The following HIPK3 variants were observed in gnomAD, a reference collection of about 807,000 sequenced individuals.
HIPK3 encodes the protein homeodomain interacting protein kinase 3.
HIPK3 carries 47 observed loss-of-function variants against 124.2 expected under a neutral mutation model. That is an observed-to-expected ratio of 0.38 (90% CI 0.30 to 0.48). The LOEUF is 0.48. Among genes scored for constraint, HIPK3 ranks in the 20% least tolerant of loss-of-function variants. The pLI is 0.98. For missense variants in HIPK3, 1,286 were observed against 1,454.3 expected, an observed-to-expected ratio of 0.88 and a Z score of 1.88; for synonymous variants, 482 against 515.2, an observed-to-expected ratio of 0.94 and a Z score of 0.87.
rs538830805 is a variant in HIPK3, at chr11:33,298,059, G to A, written c.1097+10548G>A. On this transcript the variant is annotated intron_variant, in intron 2 of 16. Coordinates refer to ENST00000303296, the MANE Select transcript of HIPK3 (RefSeq NM_005734.5). ...CCTCCTTGGCCTCCCAAAGTGCTGGGATTAACAGGTGTGAGCCACCGCACC... is the reference window on the plus strand; with the variant it reads ...CCTCCTTGGCCTCCCAAAGTGCTGGAATTAACAGGTGTGAGCCACCGCACC... 8.5e-4 allele frequency among the ~76,000 whole-genome samples: 129 copies of A among 152,214 alleles called. 2 individuals carry two copies. The South Asian group carries it at 0.026, about 31-fold the overall frequency.
chr11:33,265,151 CAT>C (rs1194091394), intron 1 of HIPK3, among the ~76,000 whole-genome samples: 1 of 152,176 alleles, frequency 6.6e-6, no homozygotes, highest in Non-Finnish European at 1.5e-5. Flanking sequence ...GGTGTAGTGA[CAT>C]AAAATCACAA....
At chr11:33,306,452 T>C (rs1237457902) in intron 2 of HIPK3, among the ~76,000 whole-genome samples, 1 of 145,148 alleles carries the variant, frequency 6.9e-6, no homozygotes, top group East Asian at 2.1e-4. Flanking sequence ...AAGATTTTAC[T>C]TGCTCTAAAT....
chr11:33,284,928 C>T (rs1851508903), intron 1 of HIPK3, among the ~76,000 whole-genome samples: 2 of 152,114 alleles, frequency 1.3e-5, no homozygotes, highest in Non-Finnish European at 2.9e-5. Context: ...GTTTTTCTAG[C>T]TATGGTACTG....
Position 33,258,522 on chromosome 11 carries a change from A to G in HIPK3, c.-3+633A>G, listed in dbSNP as rs954748357. 12 of 985,412 alleles carry G rather than the reference A, an allele frequency of 1.2e-5. No individual in the cohort carries two copies. The African/African-American group carries it at 1.6e-4, about 13-fold the overall frequency. 61.0% of individuals were successfully genotyped at this position (985,412 alleles called of 1,614,324 possible). ...ATGTGATCCGCGGCTCCGCGTCCCC[A>G]GCGGCGGCGGGAGGAAGGCGTGGCG... is the stretch of plus-strand genomic sequence containing the variant. On this transcript the variant is annotated intron_variant, in intron 1 of 16. Transcript: ENST00000303296.
At position 33,286,846 on chromosome 11, in the gene HIPK3, C is replaced by T. The variant is rs144714786; in HGVS notation, c.432C>T (p.Val144=). The T allele has an allele frequency of 9.3e-6, 15 of 1,614,058 alleles. No homozygotes were observed. The highest frequency in any genetic ancestry group is 1.3e-5 in the African/African-American group (1 of 75,000). The part of the protein sequence containing the change: ...LDNHSSAMQI[V]DELSILPAML... Reference sequence around the variant, plus strand: ...ATCATAGCAGCGCAATGCAGATTGTCGATGAATTGTCCATACTTCCTGCAA... The same window carrying T: ...ATCATAGCAGCGCAATGCAGATTGTTGATGAATTGTCCATACTTCCTGCAA... Residue 144 remains valine, a synonymous_variant, in exon 2 of 17, where the codon GTC becomes GTT. Transcript: ENST00000303296.
At chr11:33,339,678 A>AC (rs1248739210) in intron 6 of HIPK3, 144 bp downstream of exon 6, 1 of 575,286 alleles carries the variant, frequency 1.7e-6, no homozygotes, top group Admixed American at 2.9e-5. Flanking sequence ...AAGTTCACAT[A>AC]CACCAGTAAG....
At chr11:33,293,081 A>G (rs191804990) in intron 2 of HIPK3, among the ~76,000 whole-genome samples, 8 of 152,344 alleles carry the variant, frequency 5.3e-5, no homozygotes, top group Admixed American at 3.3e-4. Flanking sequence ...GCAAATGTGT[A>G]GTACTTTACT....
chr11:33,305,676 C>T (rs1590381154), intron 2 of HIPK3, among the ~76,000 whole-genome samples: 2 of 152,294 alleles, frequency 1.3e-5, no homozygotes, highest in African/African-American at 4.8e-5. Context: ...AGGATTTTCT[C>T]TCATCTTCCT....
chr11:33,258,456 T>G, intron 1 of HIPK3: 1 of 985,278 alleles, frequency 1.0e-6, no homozygotes, highest in Non-Finnish European at 1.2e-6. Flanking sequence ...GTGTCAACTC[T>G]GGGGACGTGC....
Position 33,278,579 on chromosome 11 carries a change from T to C in HIPK3, c.-2-7834T>C, listed in dbSNP as rs554358676. On this transcript the variant is annotated intron_variant, in intron 1 of 16. Transcript: ENST00000303296. Reference sequence around the variant, plus strand: ...TTCTTTGTTTTTTTAGCATGCTCACTGTACTTAATGTCACTGAACAGTACA... The same window carrying C: ...TTCTTTGTTTTTTTAGCATGCTCACCGTACTTAATGTCACTGAACAGTACA... Among the ~76,000 whole-genome samples the C allele has an allele frequency of 3.3e-5, 5 of 152,352 alleles. No homozygotes were observed. The East Asian group carries it at 9.6e-4, about 29-fold the overall frequency.
rs1410148544 is a variant in HIPK3 at position 33,328,556 on chromosome 11, A to G, written c.1144A>G (p.Met382Val). The change falls in exon 3 of 17, where the codon ATG (methionine) becomes GTG (valine). Residue 382 changes from methionine to valine, a missense_variant. Physicochemically the swap from Met to Val is conservative, Grantham distance 21. Transcript: ENST00000303296. ...GTTGCCATTTTGTGAAGCCATAGAC[A>G]TGTGGTCATTGGGATGTGTGATTGC... is the stretch of plus-strand genomic sequence containing the variant. ...LGLPFCEAID[M>V]WSLGCVIAEL... is the part of the protein sequence containing the mutation. The G allele has an allele frequency of 1.4e-5, 22 of 1,613,350 alleles. No homozygotes were observed. Among genetic ancestry groups the G allele is most frequent in the Admixed American group, 1.0e-4 (6 of 60,024 alleles).
At chr11:33,336,602 A>T (rs867273900) in intron 3 of HIPK3, among the ~76,000 whole-genome samples, 4 of 152,212 alleles carry the variant, frequency 2.6e-5, no homozygotes, top group African/African-American at 9.7e-5. Context: ...ACCTCCTGGC[A>T]TATAATCCAA....
intron 1 of HIPK3, among the ~76,000 whole-genome samples, chr11:33,280,555 CCTATCTGTG>C (rs1851385620): frequency 6.6e-6 from 1 of 152,120 alleles, no homozygotes; most frequent in Admixed American, 6.5e-5. Flanking sequence ...GCATGATATT[CCTATCTGTG>C]TTTATTTTCT....
chr11:33,277,690 G>C (rs1342731847), intron 1 of HIPK3, among the ~76,000 whole-genome samples: 1 of 152,176 alleles, frequency 6.6e-6, no homozygotes, highest in South Asian at 2.1e-4. Context: ...TCTAGATGGA[G>C]TATACACCTG....
At chr11:33,323,489 C>T (rs1347893261) in intron 2 of HIPK3, among the ~76,000 whole-genome samples, 1 of 152,114 alleles carries the variant, frequency 6.6e-6, no homozygotes, top group South Asian at 2.1e-4. Flanking sequence ...GTGATCCTCC[C>T]GGCTTAGCCT....
chr11:33,310,695 T>C (rs1852309665), intron 2 of HIPK3, among the ~76,000 whole-genome samples: 1 of 152,208 alleles, frequency 6.6e-6, no homozygotes, highest in Admixed American at 6.5e-5. Context: ...GCCCAATAGC[T>C]ACATGTGCAG....
chr11:33,286,636 C>T lies in HIPK3; in HGVS notation c.222C>T (p.His74=). The T allele has an allele frequency of 6.2e-7, 1 of 1,614,142 alleles. No homozygotes were observed. Among genetic ancestry groups the T allele is most frequent in the Non-Finnish European group, 8.5e-7 (1 of 1,180,016 alleles). The change falls in exon 2 of 17, where the codon CAC becomes CAT. Residue 74 remains histidine (H), a synonymous_variant. Transcript: ENST00000303296. The stretch of plus-strand genomic sequence containing the variant: ...TACCATTTAATAGACCTCGAGGACA[C>T]AACTTTTCATTGCAGACAAGTGCTG... The part of the protein sequence containing the change: ...TKIPFNRPRG[H]NFSLQTSAVV...
intron 1 of HIPK3, among the ~76,000 whole-genome samples, chr11:33,281,852 A>T (rs1270036137): frequency 2.6e-5 from 4 of 152,044 alleles, no homozygotes; most frequent in African/African-American, 9.7e-5. Context: ...CTTTTGATGG[A>T]TATGTAGGTT....
At chr11:33,353,056 G>A in intron 16 of HIPK3, 36 bp from the exon 17 acceptor site, 1 of 1,214,578 alleles carries the variant, frequency 8.2e-7, no homozygotes. Context: ...TTTAAGGTAT[G>A]TTATTCAGTC....
Sources: gnomAD v4.1 joint callset for allele counts (sites outside exome capture counted in the v4.1 genomes callset) on GRCh38, gnomAD v4.1.1 for gene constraint, MANE v1.5 for transcripts, NCBI Gene and HGNC (gene_info 2026-07-23, HGNC 2026-07-21) for gene names.